DPYSL4: variants seen among roughly 807,000 people sequenced by gnomAD.
DPYSL4 encodes the protein dihydropyrimidinase-related protein 4.
DPYSL4 carries 43 observed loss-of-function variants against 63.4 expected under a neutral mutation model. That is an observed-to-expected ratio of 0.68 (90% CI 0.53 to 0.88). The LOEUF is 0.88. Among genes scored for constraint, DPYSL4 ranks in the 40% least tolerant of loss-of-function variants. DPYSL4 has a pLI of 0.00. For missense variants in DPYSL4, 733 were observed against 819.5 expected, an observed-to-expected ratio of 0.89 and a Z score of 1.29; for synonymous variants, 353 against 331.7, an observed-to-expected ratio of 1.06 and a Z score of -0.70.
chr10:132,190,846 G>A lies in DPYSL4; in HGVS notation c.128+11G>A, dbSNP rs201250019. On this transcript the variant is annotated intron_variant, in intron 2 of 13. Transcript: ENST00000338492. Reference sequence around the variant, plus strand: ...AGATGGCTTGATAAAGTAAGTTTCCGCCGAAAATGAAAATACGTTCCCAGC... The same window carrying A: ...AGATGGCTTGATAAAGTAAGTTTCCACCGAAAATGAAAATACGTTCCCAGC... 2.0e-5 allele frequency: 33 copies of A among 1,610,930 alleles called. No individual in the cohort carries two copies. Among genetic ancestry groups the A allele is most frequent in the East Asian group, 8.9e-5 (4 of 44,708 alleles).
At position 132,198,401 on chromosome 10, in the gene DPYSL4, G is replaced by T. The variant is rs377218096; in HGVS notation, c.622-14G>T. 8.4e-5 allele frequency: 135 copies of T among 1,602,334 alleles called. No individual in the cohort carries two copies. The Middle Eastern group carries it at 2.6e-3, about 31-fold the overall frequency. ...TTCAGGGCTTGGAGCGAGGCATCCT[G>T]TTGGTTTCTTTAGGAGCAGAAGCGG... On this transcript the variant is annotated splice_polypyrimidine_tract_variant and intron_variant, in intron 6 of 13. Coordinates refer to ENST00000338492, the MANE Select transcript of DPYSL4 (RefSeq NM_006426.3).
intron 2 of DPYSL4, among the ~76,000 whole-genome samples, chr10:132,191,463 AT>A (rs200114789): frequency 5.1e-4 from 26 of 51,436 alleles, no homozygotes; most frequent in East Asian, 4.4e-3. Context: ...AGATGAAAGT[AT>A]GTTCCCAGCT....
chr10:132,199,807 G>A (rs1013057907), intron 8 of DPYSL4, among the ~76,000 whole-genome samples: 15 of 152,008 alleles, frequency 9.9e-5, no homozygotes, highest in African/African-American at 3.4e-4. Context: ...GTGAATGGGG[G>A]TCTGCAGGGG....
At chr10:132,187,344 CTGCCCGGCCCTGCCGGGCCCTGCCG>C (rs1436514442) in intron 1 of DPYSL4, among the ~76,000 whole-genome samples, 2 of 20,388 alleles carry the variant, frequency 9.8e-5, no homozygotes, top group Non-Finnish European at 1.4e-4. Context: ...CGGCCCGGCC[CTGCCCGGCCCTGCCGGGCCCTGCCG>C]GGCCCTGCCC....
At chr10:132,191,284 C>T (rs1465072647) in intron 2 of DPYSL4, among the ~76,000 whole-genome samples, 1 of 136,750 alleles carries the variant, frequency 7.3e-6, no homozygotes, top group Non-Finnish European at 1.6e-5. Flanking sequence ...ACGTGGTATC[C>T]AGGCAGTTGA....
At chr10:132,198,041 G>A (rs533341673) in intron 6 of DPYSL4, among the ~76,000 whole-genome samples, 1 of 152,320 alleles carries the variant, frequency 6.6e-6, no homozygotes, top group South Asian at 2.1e-4. Flanking sequence ...AGGAAGGAGT[G>A]GTCGTCCATT....
At chr10:132,189,811 TTTAAAA>T (rs1182923003) in intron 1 of DPYSL4, among the ~76,000 whole-genome samples, 3 of 152,238 alleles carry the variant, frequency 2.0e-5, no homozygotes, top group Admixed American at 6.5e-5. Flanking sequence ...AGGTGATCTC[TTTAAAA>T]CATCAAACCA....
intron 2 of DPYSL4, among the ~76,000 whole-genome samples, chr10:132,191,655 T>C (rs59217123): frequency 2.3e-3 from 119 of 51,010 alleles, no homozygotes; most frequent in African/African-American, 7.8e-3. Context: ...TACACGCTGG[T>C]CACGTGGTAT....
At chr10:132,194,761 C>A in intron 3 of DPYSL4, 84 bp from the exon 4 acceptor site, 1 of 1,539,960 alleles carries the variant, frequency 6.5e-7, no homozygotes, top group Non-Finnish European at 8.8e-7. Context: ...CTCTTGGGAA[C>A]ATGAAACAGA....
At chr10:132,194,178 T>C (rs2061911633) in intron 3 of DPYSL4, among the ~76,000 whole-genome samples, 1 of 152,148 alleles carries the variant, frequency 6.6e-6, no homozygotes, top group South Asian at 2.1e-4. Context: ...CTTCATCTTG[T>C]TGGGATGAGT....
chr10:132,197,136 A>T, intron 6 of DPYSL4, 35 bp downstream of exon 6: 1 of 1,454,538 alleles, frequency 6.9e-7, no homozygotes, highest in East Asian at 2.5e-5. Context: ...GGGCAGGCAC[A>T]GGGGCTGCCG....
In DPYSL4 at chr10:132,197,139, G is replaced by T. The variant is rs755894507; in HGVS notation, c.621+38G>T. ...AGGGCTGCCGTGGGGCAGGCACAGG[G>T]GCTGCCGTGGGGCAGGGGCTGCCTG... On this transcript the variant is annotated intron_variant, in intron 6 of 13. Transcript: ENST00000338492. 7 of 1,457,468 alleles carry T rather than the reference G, an allele frequency of 4.8e-6. No homozygotes were observed. In the African/African-American group the frequency reaches 9.9e-5, roughly 21 times the overall value. The allele number at this position is 1,457,468 out of a possible 1,614,324, so 90.3% of individuals were successfully genotyped here.
intron 8 of DPYSL4, among the ~76,000 whole-genome samples, chr10:132,200,024 C>T (rs376872143): frequency 5.9e-5 from 9 of 152,190 alleles, no homozygotes; most frequent in Admixed American, 5.2e-4. Context: ...GCCAGTCAGC[C>T]GCCATGCAGT....
At chr10:132,197,151 G>A (rs895139566) in intron 6 of DPYSL4, 50 bp downstream of exon 6, 4 of 1,440,992 alleles carry the variant, frequency 2.8e-6, no homozygotes, top group Non-Finnish European at 3.7e-6. Context: ...CTGCCGTGGG[G>A]CAGGGGCTGC....
chr10:132,195,987 G>C (rs568825723), intron 4 of DPYSL4, among the ~76,000 whole-genome samples: 2 of 152,226 alleles, frequency 1.3e-5, no homozygotes, highest in Non-Finnish European at 2.9e-5. Context: ...ACAGCACTGC[G>C]CAACCCAAAC....
At chr10:132,198,296 C>A in intron 6 of DPYSL4, 119 bp from the exon 7 acceptor site, 1 of 893,668 alleles carries the variant, frequency 1.1e-6, no homozygotes, top group Non-Finnish European at 1.7e-6. Flanking sequence ...CTGGGAAATT[C>A]TGGGAGGCCT....
chr10:132,193,922 A>G (rs2061908306), intron 3 of DPYSL4, among the ~76,000 whole-genome samples: 1 of 152,252 alleles, frequency 6.6e-6, no homozygotes, highest in South Asian at 2.1e-4. Context: ...GCAGCAGCCC[A>G]TCTTGCAGTC....
At chr10:132,204,317 G>A (rs1386509308) in intron 13 of DPYSL4, among the ~76,000 whole-genome samples, 1 of 152,202 alleles carries the variant, frequency 6.6e-6, no homozygotes, top group African/African-American at 2.4e-5. Flanking sequence ...AGGCACAAGG[G>A]AGGGTCTGAG....
intron 1 of DPYSL4, among the ~76,000 whole-genome samples, chr10:132,188,404 C>A (rs1407091850): frequency 1.3e-5 from 2 of 152,202 alleles, no homozygotes; most frequent in Non-Finnish European, 2.9e-5. Context: ...GTTGCGTTTT[C>A]TAGGGCTTCC....
Sources: gnomAD v4.1 joint callset for allele counts (sites outside exome capture counted in the v4.1 genomes callset) on GRCh38, gnomAD v4.1.1 for gene constraint, MANE v1.5 for transcripts, NCBI Gene and HGNC (gene_info 2026-07-23, HGNC 2026-07-21) for gene names.